Variants in ANKRD31 observed in about 807,000 individuals in gnomAD.
ANKRD31 encodes the protein ankyrin repeat domain-containing protein 31.
In ANKRD31, 147 loss-of-function variants were observed where a neutral mutation model predicts 186.0. The observed-to-expected ratio is 0.79, with a 90% CI of 0.69 to 0.91. ANKRD31 has a LOEUF of 0.91. Among genes scored for constraint, ANKRD31 ranks in the 40% least tolerant of loss-of-function variants. The pLI, the probability that ANKRD31 is intolerant of heterozygous loss-of-function variation, is 0.00. For synonymous variants in ANKRD31, 673 were observed against 736.4 expected (o/e 0.91, Z 1.39); for missense variants, 1,986 against 2,148.8 (o/e 0.92, Z 1.50).
At chr5:75,117,770 T>C (rs533053592) in intron 18 of ANKRD31, among the ~76,000 whole-genome samples, 1 of 152,298 alleles carries the variant, frequency 6.6e-6, no homozygotes, top group East Asian at 1.9e-4. Context: ...TATGTTATAT[T>C]CCTCTTAGTT....
chr5:75,102,421 A>T (rs1242220151), intron 22 of ANKRD31, among the ~76,000 whole-genome samples: 1 of 152,178 alleles, frequency 6.6e-6, no homozygotes, highest in Non-Finnish European at 1.5e-5. Context: ...CTCAGATCTC[A>T]AGCTCCATGC....
chr5:75,122,584 T>C (rs1748886034), intron 17 of ANKRD31, among the ~76,000 whole-genome samples: 1 of 152,032 alleles, frequency 6.6e-6, no homozygotes, highest in Non-Finnish European at 1.5e-5. Flanking sequence ...TAACACACCA[T>C]GACCAAGTGG....
chr5:75,184,553 A>AAAT (rs965615342), intron 10 of ANKRD31, among the ~76,000 whole-genome samples: 4 of 151,998 alleles, frequency 2.6e-5, no homozygotes, highest in Admixed American at 2.0e-4. Context: ...AATAGCCAAA[A>AAAT]AATAATAATA....
chr5:75,181,782 T>A (rs1355378920), intron 10 of ANKRD31, among the ~76,000 whole-genome samples: 3 of 150,970 alleles, frequency 2.0e-5, no homozygotes, highest in Admixed American at 2.0e-4. Context: ...ATACCTAATG[T>A]TAAATGACGA....
chr5:75,135,943 T>C (rs959393422), intron 17 of ANKRD31, among the ~76,000 whole-genome samples: 1 of 152,116 alleles, frequency 6.6e-6, no homozygotes, highest in Non-Finnish European at 1.5e-5. Flanking sequence ...GTAAATGGTA[T>C]TGGGAAAACT....
chr5:75,164,949 T>C (rs912352932), intron 11 of ANKRD31, among the ~76,000 whole-genome samples: 1 of 152,196 alleles, frequency 6.6e-6, no homozygotes, highest in African/African-American at 2.4e-5. Context: ...CAATGTAAAG[T>C]AGTTTGAAAG....
At chr5:75,236,481 A>G (rs2150331168) in intron 1 of ANKRD31, 102 bp downstream of exon 1, 1 of 937,564 alleles carries the variant, frequency 1.1e-6, no homozygotes, top group Non-Finnish European at 1.6e-6. Flanking sequence ...CCACAAGCAC[A>G]TGTTCTGGTC....
intron 6 of ANKRD31, among the ~76,000 whole-genome samples, chr5:75,196,769 GCT>G (rs1263196454): frequency 1.3e-5 from 2 of 152,036 alleles, no homozygotes; most frequent in Non-Finnish European, 2.9e-5. Flanking sequence ...TGAATGAATG[GCT>G]CTGAGTTGTG....
intron 15 of ANKRD31, among the ~76,000 whole-genome samples, chr5:75,139,879 AG>A (rs1750884317): frequency 1.3e-5 from 2 of 152,102 alleles, no homozygotes; most frequent in Non-Finnish European, 2.9e-5. Context: ...TACATAGAAA[AG>A]TTGGGACTCC....
chr5:75,189,298 T>C lies in ANKRD31; in HGVS notation c.1409-650A>G, dbSNP rs150157057. On this transcript the variant is annotated intron_variant, in intron 9 of 25. Coordinates refer to ENST00000506364, the MANE Select transcript of ANKRD31 (RefSeq NM_001372053.1). ...TTCTCCACTGTGCCTCCTAAAATAC[T>C]GAAGCTCCTCATTTACATGTTTCAA... Among the ~76,000 whole-genome samples the C allele has an allele frequency of 5.9e-4, 90 of 152,318 alleles. 1 individual carries two copies. The highest frequency in any genetic ancestry group is 2.1e-3 in the African/African-American group (86 of 41,580).
intron 10 of ANKRD31, among the ~76,000 whole-genome samples, chr5:75,173,850 T>C (rs1477116137): frequency 1.3e-5 from 2 of 151,988 alleles, no homozygotes; most frequent in Non-Finnish European, 2.9e-5. Context: ...AAGCTACCAA[T>C]GACTCTTCAC....
Position 75,146,494 on chromosome 5 carries a change from T to A in ANKRD31, c.2917A>T (p.Asn973Tyr). 3.3e-6 allele frequency: 5 copies of A among 1,536,516 alleles called. No individual in the cohort carries two copies. Among genetic ancestry groups the A allele is most frequent in the Non-Finnish European group, 3.5e-6 (4 of 1,146,452 alleles). Residue 973 changes from asparagine (N) to tyrosine (Y), a missense_variant, in exon 14 of 26, where the codon AAT becomes TAT. Transcript: ENST00000506364. ...ACTGCATTATCTGAATAAGAAAAAT[T>A]AACAGCTTCCTGTTCTGGAAGTGTG... ...LTTLPEQEAV[N>Y]FSYSDNAVIS...
At chr5:75,171,579 A>G (rs980723643) in intron 10 of ANKRD31, among the ~76,000 whole-genome samples, 1 of 151,892 alleles carries the variant, frequency 6.6e-6, no homozygotes, top group Non-Finnish European at 1.5e-5. Flanking sequence ...GAAAACAAAA[A>G]TAAGTAGAAG....
At chr5:75,222,130 T>C (rs1757338542) in intron 3 of ANKRD31, 119 bp downstream of exon 3, 8 of 653,340 alleles carry the variant, frequency 1.2e-5, no homozygotes, top group South Asian at 5.0e-5. Flanking sequence ...TAAAAATTAA[T>C]AAGAAAAGAG....
intron 25 of ANKRD31, among the ~76,000 whole-genome samples, chr5:75,071,135 A>C (rs1744194021): frequency 1.3e-5 from 2 of 152,128 alleles, no homozygotes; most frequent in Non-Finnish European, 2.9e-5. Context: ...TTTTGGTAAC[A>C]GCTCTGAAGT....
At chr5:75,221,403 G>A (rs1757293099) in intron 3 of ANKRD31, among the ~76,000 whole-genome samples, 1 of 152,138 alleles carries the variant, frequency 6.6e-6, no homozygotes, top group Admixed American at 6.5e-5. Context: ...ACACACATAA[G>A]ACAACGGAAG....
Position 75,193,602 on chromosome 5 carries a change from G to A in ANKRD31, c.1018-11C>T, listed in dbSNP as rs768577808. 1.5e-4 allele frequency: 221 copies of A among 1,512,600 alleles called. 2 individuals carry two copies. The highest frequency in any genetic ancestry group is 3.8e-5 in the Non-Finnish European group (43 of 1,134,872). 93.7% of individuals were successfully genotyped at this position (1,512,600 alleles called of 1,614,324 possible). On this transcript the variant is annotated splice_polypyrimidine_tract_variant and intron_variant, in intron 7 of 25. Coordinates refer to ENST00000506364, the MANE Select transcript of ANKRD31 (RefSeq NM_001372053.1). ...TGGGTCTTGCAGAGTCTGCAAATAC[G>A]TAAATACATCCACAAAAAATTACAA... is the stretch of plus-strand genomic sequence containing the variant.
intron 12 of ANKRD31, among the ~76,000 whole-genome samples, chr5:75,151,430 T>G (rs1373451631): frequency 2.6e-5 from 4 of 152,016 alleles, no homozygotes; most frequent in African/African-American, 9.7e-5. Flanking sequence ...GTTTTTCTCA[T>G]GCTGTTCTCC....
intron 24 of ANKRD31, among the ~76,000 whole-genome samples, chr5:75,081,329 C>T (rs749444120): frequency 6.6e-6 from 1 of 151,648 alleles, no homozygotes; most frequent in East Asian, 1.9e-4. Context: ...AGTCCAATGG[C>T]GCAGTAACAT....
Sources: allele counts gnomAD v4.1 joint callset (sites outside exome capture counted in the v4.1 genomes callset), GRCh38; gene constraint gnomAD v4.1.1; transcripts MANE v1.5; gene names NCBI Gene and HGNC (gene_info 2026-07-23, HGNC 2026-07-21).